SLC10A7: variants seen among roughly 807,000 people sequenced by gnomAD.
The protein encoded by SLC10A7 is solute carrier family 10 member 7, also known as sodium/bile acid cotransporter 7.
In SLC10A7, 29 loss-of-function variants were observed where a neutral mutation model predicts 43.2. That is an observed-to-expected ratio of 0.67 (90% CI 0.50 to 0.92). The LOEUF is 0.92. Ranked by LOEUF, SLC10A7 falls within the 40% of genes least tolerant of loss-of-function variation. The pLI, the probability that SLC10A7 is intolerant of heterozygous loss-of-function variation, is 0.00. For missense variants in SLC10A7, 295 were observed against 403.2 expected (o/e 0.73, Z 2.30); for synonymous variants, 152 against 144.8 (o/e 1.05, Z -0.35).
At chr4:146,377,075 T>C (rs981445153) in intron 5 of SLC10A7, among the ~76,000 whole-genome samples, 3 of 123,306 alleles carry the variant, frequency 2.4e-5, no homozygotes, top group South Asian at 5.7e-4. Context: ...TTGTGGAAGA[T>C]AAGAATGTAA....
chr4:146,455,055 T>C (rs1166128257), intron 4 of SLC10A7, among the ~76,000 whole-genome samples: 1 of 151,858 alleles, frequency 6.6e-6, no homozygotes, highest in Admixed American at 6.6e-5. Context: ...TTCTTAATCC[T>C]TTGGGTTTCC....
At chr4:146,376,807 T>TAA (rs1021493522) in intron 5 of SLC10A7, among the ~76,000 whole-genome samples, 2 of 152,232 alleles carry the variant, frequency 1.3e-5, no homozygotes, top group African/African-American at 2.4e-5. Flanking sequence ...AGGTCATTTA[T>TAA]AACCTGATGC....
chr4:146,341,250 A>C (rs1323013933), intron 5 of SLC10A7, among the ~76,000 whole-genome samples: 1 of 151,818 alleles, frequency 6.6e-6, no homozygotes, highest in Admixed American at 6.6e-5. Flanking sequence ...TAAATAAAAG[A>C]GGGAAATGAT....
chr4:146,360,312 T>A (rs1279000605), intron 5 of SLC10A7, among the ~76,000 whole-genome samples: 1 of 152,148 alleles, frequency 6.6e-6, no homozygotes. Context: ...AGAATGGGCC[T>A]TCTAAGTTAA....
At chr4:146,269,216 C>T (rs1484412764) in intron 10 of SLC10A7, among the ~76,000 whole-genome samples, 5 of 152,178 alleles carry the variant, frequency 3.3e-5, no homozygotes, top group Admixed American at 2.0e-4. Flanking sequence ...TGGCCTGAGC[C>T]GACTCACCAG....
intron 4 of SLC10A7, among the ~76,000 whole-genome samples, chr4:146,478,694 C>A (rs1481337628): frequency 6.6e-6 from 1 of 152,100 alleles, no homozygotes; most frequent in Admixed American, 6.6e-5. Context: ...TATGCCAAAT[C>A]CCTATCCTAT....
intron 5 of SLC10A7, among the ~76,000 whole-genome samples, chr4:146,378,836 G>A (rs1430307288): frequency 1.3e-5 from 2 of 152,146 alleles, no homozygotes; most frequent in Admixed American, 1.3e-4. Context: ...TCACATTTTA[G>A]CCCCATCCTT....
intron 5 of SLC10A7, among the ~76,000 whole-genome samples, chr4:146,332,505 TG>T (rs1733605864): frequency 1.3e-5 from 2 of 152,124 alleles, no homozygotes; most frequent in Admixed American, 1.3e-4. Flanking sequence ...GAGATCTGGT[TG>T]TTTAAAAGTG....
At chr4:146,463,970 G>A (rs1047739023) in intron 4 of SLC10A7, among the ~76,000 whole-genome samples, 1 of 151,666 alleles carries the variant, frequency 6.6e-6, no homozygotes, top group Non-Finnish European at 1.5e-5. Flanking sequence ...CTACAGGTAT[G>A]TGCCACCATA....
At chr4:146,360,134 ACTCT>A (rs886697566) in intron 5 of SLC10A7, among the ~76,000 whole-genome samples, 1 of 151,520 alleles carries the variant, frequency 6.6e-6, no homozygotes, top group Admixed American at 6.6e-5. Context: ...CTTACCAAAG[ACTCT>A]CTATCTCTTA....
At chr4:146,330,729 CACA>C (rs1318254382) in intron 5 of SLC10A7, among the ~76,000 whole-genome samples, 1 of 152,162 alleles carries the variant, frequency 6.6e-6, no homozygotes, top group Non-Finnish European at 1.5e-5. Context: ...AGGTAATCCT[CACA>C]ACAATTCTAT....
chr4:146,286,272 G>A (rs375079052), intron 9 of SLC10A7, among the ~76,000 whole-genome samples: 47 of 47,686 alleles, frequency 9.9e-4, no homozygotes, highest in South Asian at 4.6e-3. Context: ...GAGAAGGACC[G>A]TGTTTGGAGT....
intron 5 of SLC10A7, among the ~76,000 whole-genome samples, chr4:146,410,230 T>G (rs1728090835): frequency 6.6e-6 from 1 of 152,206 alleles, no homozygotes; most frequent in Non-Finnish European, 1.5e-5. Context: ...TAAGATATTC[T>G]GATCCCAAAT....
intron 9 of SLC10A7, among the ~76,000 whole-genome samples, chr4:146,290,828 C>T (rs1208119448): frequency 6.6e-6 from 1 of 152,144 alleles, no homozygotes; most frequent in Admixed American, 6.5e-5. Flanking sequence ...TCACTGCATT[C>T]CAGCCTGGGT....
At chr4:146,261,430 C>T (rs2110990977) in intron 10 of SLC10A7, among the ~76,000 whole-genome samples, 1 of 152,336 alleles carries the variant, frequency 6.6e-6, no homozygotes, top group East Asian at 1.9e-4. Context: ...GCCCCCCCAG[C>T]TCCAGCTACT....
intron 4 of SLC10A7, among the ~76,000 whole-genome samples, chr4:146,453,813 A>C (rs1410078358): frequency 6.6e-6 from 1 of 151,972 alleles, no homozygotes; most frequent in African/African-American, 2.4e-5. Context: ...AAGACAAAAC[A>C]GACACCTTTT....
chr4:146,484,059 T>A (rs532734500), intron 4 of SLC10A7, among the ~76,000 whole-genome samples: 8 of 152,154 alleles, frequency 5.3e-5, no homozygotes, highest in Non-Finnish European at 1.2e-4. Context: ...CTTTTAATAA[T>A]GAAAAGATCA....
intron 4 of SLC10A7, among the ~76,000 whole-genome samples, chr4:146,446,049 C>T (rs553234331): frequency 5.3e-5 from 8 of 152,022 alleles, no homozygotes; most frequent in African/African-American, 1.7e-4. Context: ...CACTTTGGGC[C>T]GTGGGTCCAG....
chr4:146,356,049 AAAATATATATATAT>A (rs1238352642), intron 5 of SLC10A7, among the ~76,000 whole-genome samples: 31 of 120,438 alleles, frequency 2.6e-4, no homozygotes, highest in African/African-American at 6.8e-4. Flanking sequence ...TAAAAAAAAA[AAAATATATATATAT>A]ATATACATAT....
Sources: gnomAD v4.1 joint callset for allele counts (sites outside exome capture counted in the v4.1 genomes callset) on GRCh38, gnomAD v4.1.1 for gene constraint, MANE v1.5 for transcripts, NCBI Gene and HGNC (gene_info 2026-07-23, HGNC 2026-07-21) for gene names.